CLDN9: variants seen among roughly 807,000 people sequenced by gnomAD.
CLDN9 encodes claudin-9.
CLDN9 carries 14 observed loss-of-function variants against 10.1 expected under a neutral mutation model. The ratio of observed to expected loss-of-function variants is 1.38; its 90% CI spans 0.91 to 2.16. CLDN9 has a LOEUF of 2.16. Among genes scored for constraint, CLDN9 ranks in the 30% most tolerant of loss-of-function variants. The probability of loss-of-function intolerance (pLI) is 0.00; values close to 1 mark genes in which losing one functional copy is unlikely to be tolerated. For synonymous variants in CLDN9, 162 were observed against 143.1 expected, an observed-to-expected ratio of 1.13 and a Z score of -0.95; for missense variants, 332 against 294.8, an observed-to-expected ratio of 1.13 and a Z score of -0.93.
chr16:3,013,160 G>C lies in CLDN9; in HGVS notation c.-203G>C. 1.6e-6 allele frequency: 1 copy of C among 617,394 alleles called. No individual in the cohort carries two copies. Among genetic ancestry groups the C allele is most frequent in the South Asian group, 2.0e-5 (1 of 49,064 alleles). 38.2% of individuals were successfully genotyped at this position (617,394 alleles called of 1,614,324 possible). The stretch of plus-strand genomic sequence containing the variant: ...TACGAGTCTGCTTTGTGCTCCGCGA[G>C]GACCAGAAACACCTGCAAGAGGCAC... On this transcript the variant is annotated 5_prime_UTR_variant, in exon 1 of 1. Transcript: ENST00000445369. The surrounding 1 kb of genome is among the most constrained non-coding windows in gnomAD (Gnocchi z 6.4).
chr16:3,014,473 C>G lies in CLDN9; in HGVS notation c.*457C>G, dbSNP rs2072551482. ...CCTCCCTCTCCCCAACATCCCCACCCTCGAGTTGGAAATAAAGAGCATTTG... is the reference window on the plus strand; with the variant it reads ...CCTCCCTCTCCCCAACATCCCCACCGTCGAGTTGGAAATAAAGAGCATTTG... On this transcript the variant is annotated 3_prime_UTR_variant, in exon 1 of 1. Coordinates refer to ENST00000445369, the MANE Select transcript of CLDN9 (RefSeq NM_020982.4). 5.8e-6 allele frequency: 1 copy of G among 171,594 alleles called. No individual in the cohort carries two copies. The highest frequency in any genetic ancestry group is 2.4e-5 in the African/African-American group (1 of 41,588). The allele number at this position is 171,594 out of a possible 1,614,324, so 10.6% of individuals were successfully genotyped here.
At position 3,013,600 on chromosome 16, in the gene CLDN9, G is replaced by T. The variant is rs770579664; in HGVS notation, c.238G>T (p.Ala80Ser). 2.8e-5 allele frequency: 45 copies of T among 1,613,986 alleles called. 1 individual carries two copies. In the South Asian group the frequency reaches 4.7e-4, roughly 17 times the overall value. ...GGCTCTGCCGCAGGACCTGCAGGCC[G>T]CACGTGCCCTCTGTGTCATTGCCCT... ...LLALPQDLQAARALCVIALLL... is the reference protein window; with the variant it reads ...LLALPQDLQASRALCVIALLL... The change falls in exon 1 of 1, where the codon GCA becomes TCA. Residue 80 changes from alanine (A) to serine (S), a missense_variant. Transcript: ENST00000445369. This position sits in a 1 kb window ranked among gnomAD's most constrained non-coding sequence, Gnocchi z 6.4.
At position 3,013,936 on chromosome 16, in the gene CLDN9, C is replaced by A; in HGVS notation, c.574C>A (p.Arg192=). The part of the protein sequence containing the change: ...CCTCPPPQVE[R]PRGPRLGYSI... ...CACGTGCCCCCCGCCCCAGGTCGAG[C>A]GGCCCCGCGGACCTCGGCTGGGCTA... The change falls in exon 1 of 1, where the codon CGG becomes AGG. Residue 192 remains arginine (R), a synonymous_variant. Transcript: ENST00000445369. The surrounding 1 kb of genome is among the most constrained non-coding windows in gnomAD (Gnocchi z 6.4). 3 of 1,576,604 alleles carry A rather than the reference C, an allele frequency of 1.9e-6. No individual in the cohort carries two copies. Among genetic ancestry groups the A allele is most frequent in the Non-Finnish European group, 2.6e-6 (3 of 1,164,422 alleles).
rs1191549901 is a variant in CLDN9 at position 3,013,825 on chromosome 16, G to A, written c.463G>A (p.Ala155Thr). The A allele has an allele frequency of 1.9e-6, 3 of 1,612,808 alleles. No individual in the cohort carries two copies. The highest frequency in any genetic ancestry group is 1.1e-5 in the South Asian group (1 of 91,084). ...QDFYNPLVAE[A>T]LKRELGASLY... is the part of the protein sequence containing the mutation. ...CTTCTACAACCCCCTGGTGGCTGAG[G>A]CCCTCAAGCGGGAGCTGGGGGCCTC... The change falls in exon 1 of 1, where the codon GCC becomes ACC. Residue 155 changes from alanine (A) to threonine (T), a missense_variant. By Grantham distance (58) the Ala-to-Thr change is moderately conservative (BLOSUM62 0). Coordinates refer to ENST00000445369, the MANE Select transcript of CLDN9 (RefSeq NM_020982.4). The surrounding 1 kb of genome is among the most constrained non-coding windows in gnomAD (Gnocchi z 6.4).
rs867461598 is a variant in CLDN9, at chr16:3,013,553, G to A, written c.191G>A (p.Cys64Tyr). Residue 64 changes from cysteine (C) to tyrosine (Y), a missense_variant, in exon 1 of 1, where the codon TGC (cysteine) becomes TAC (tyrosine). Transcript: ENST00000445369. The surrounding 1 kb of genome is among the most constrained non-coding windows in gnomAD (Gnocchi z 6.4). ...CVVQSTGQMQ[C>Y]KVYDSLLALP... ...GTGCAGAGCACGGGCCAGATGCAGTGCAAGGTGTACGACTCACTGCTGGCT... is the reference window on the plus strand; with the variant it reads ...GTGCAGAGCACGGGCCAGATGCAGTACAAGGTGTACGACTCACTGCTGGCT... The A allele has an allele frequency of 1.2e-6, 2 of 1,614,018 alleles. No individual in the cohort carries two copies. Among genetic ancestry groups the A allele is most frequent in the South Asian group, 1.1e-5 (1 of 91,088 alleles).
In CLDN9 at chr16:3,013,932, C is replaced by T. The variant is rs1457351212; in HGVS notation, c.570C>T (p.Val190=). The change falls in exon 1 of 1, where the codon GTC becomes GTT. Residue 190 remains valine, a synonymous_variant. Coordinates refer to ENST00000445369, the MANE Select transcript of CLDN9 (RefSeq NM_020982.4). This position sits in a 1 kb window ranked among gnomAD's most constrained non-coding sequence, Gnocchi z 6.4. ...GCTGCACGTGCCCCCCGCCCCAGGT[C>T]GAGCGGCCCCGCGGACCTCGGCTGG... is the stretch of plus-strand genomic sequence containing the variant. ...LLCCTCPPPQ[V]ERPRGPRLGY... is the part of the protein sequence containing the mutation. 2.1e-5 allele frequency: 33 copies of T among 1,581,434 alleles called. No homozygotes were observed. The highest frequency in any genetic ancestry group is 3.8e-5 in the Admixed American group (2 of 53,074).
In CLDN9 at chr16:3,013,022, T is replaced by C; in HGVS notation, c.-341T>C. 3.3e-6 allele frequency: 1 copy of C among 300,618 alleles called. No homozygotes were observed. The highest frequency in any genetic ancestry group is 4.7e-5 in the South Asian group (1 of 21,300). 18.6% of individuals were successfully genotyped at this position (300,618 alleles called of 1,614,324 possible). A position where few individuals can be genotyped will look rare whatever the true frequency, so the allele number is the denominator to read the frequency against. ...AGCCTGGCAGTGCGTCTGGAGGGCC[T>C]GTGCGAGCTCAGCCCAGGTGTGACA... On this transcript the variant is annotated 5_prime_UTR_variant, in exon 1 of 1. Transcript: ENST00000445369. The surrounding 1 kb of genome is among the most constrained non-coding windows in gnomAD (Gnocchi z 6.4).
Position 3,013,043 on chromosome 16 carries a change from T to G in CLDN9, c.-320T>G. 1 of 333,126 alleles carries G rather than the reference T, an allele frequency of 3.0e-6. No homozygotes were observed. The highest frequency in any genetic ancestry group is 5.6e-6 in the Non-Finnish European group (1 of 177,756). The allele number at this position is 333,126 out of a possible 1,614,324, so 20.6% of individuals were successfully genotyped here. A position where few individuals can be genotyped will look rare whatever the true frequency, so the allele number is the denominator to read the frequency against. ...GGCCTGTGCGAGCTCAGCCCAGGTGTGACAGCGGGGTGGTAAGAGCAGCAG... is the reference window on the plus strand; with the variant it reads ...GGCCTGTGCGAGCTCAGCCCAGGTGGGACAGCGGGGTGGTAAGAGCAGCAG... On this transcript the variant is annotated 5_prime_UTR_variant, in exon 1 of 1. Coordinates refer to ENST00000445369, the MANE Select transcript of CLDN9 (RefSeq NM_020982.4). The surrounding 1 kb of genome is among the most constrained non-coding windows in gnomAD (Gnocchi z 6.4).
rs758361462 is a variant in CLDN9 at position 3,013,913 on chromosome 16, C to T, written c.551C>T (p.Thr184Met). 19 of 1,595,588 alleles carry T rather than the reference C, an allele frequency of 1.2e-5. No homozygotes were observed. The highest frequency in any genetic ancestry group is 3.3e-4 in the Middle Eastern group (2 of 5,978). ...LMLGGGLLCC[T>M]CPPPQVERPR... is the part of the protein sequence containing the mutation. ...CTGGGCGGGGGGCTCCTCTGCTGCA[C>T]GTGCCCCCCGCCCCAGGTCGAGCGG... The change falls in exon 1 of 1, where the codon ACG (threonine) becomes ATG (methionine). Residue 184 changes from threonine (T) to methionine (M), a missense_variant. Thr to Met is a moderately conservative substitution (Grantham distance 81, BLOSUM62 -1). Coordinates refer to ENST00000445369, the MANE Select transcript of CLDN9 (RefSeq NM_020982.4). The surrounding 1 kb of genome is among the most constrained non-coding windows in gnomAD (Gnocchi z 6.4).
At position 3,013,597 on chromosome 16, in the gene CLDN9, G is replaced by A. The variant is rs1044675110; in HGVS notation, c.235G>A (p.Ala79Thr). ...SLLALPQDLQ[A>T]ARALCVIALL... Reference sequence around the variant, plus strand: ...GCTGGCTCTGCCGCAGGACCTGCAGGCCGCACGTGCCCTCTGTGTCATTGC... The same window carrying A: ...GCTGGCTCTGCCGCAGGACCTGCAGACCGCACGTGCCCTCTGTGTCATTGC... The change falls in exon 1 of 1, where the codon GCC (alanine) becomes ACC (threonine). Residue 79 changes from alanine (A) to threonine (T), a missense_variant. Ala to Thr is a moderately conservative substitution (Grantham distance 58). Coordinates refer to ENST00000445369, the MANE Select transcript of CLDN9 (RefSeq NM_020982.4). The surrounding 1 kb of genome is among the most constrained non-coding windows in gnomAD (Gnocchi z 6.4). The A allele has an allele frequency of 1.2e-6, 2 of 1,613,912 alleles. No individual in the cohort carries two copies. Among genetic ancestry groups the A allele is most frequent in the African/African-American group, 2.7e-5 (2 of 74,942 alleles).
Position 3,013,557 on chromosome 16 carries a change from G to A in CLDN9, c.195G>A (p.Lys65=), listed in dbSNP as rs1252469958. ...VVQSTGQMQC[K]VYDSLLALPQ... is the part of the protein sequence containing the mutation. ...AGAGCACGGGCCAGATGCAGTGCAA[G>A]GTGTACGACTCACTGCTGGCTCTGC... The change falls in exon 1 of 1, where the codon AAG becomes AAA. Residue 65 remains lysine (K), a synonymous_variant. Coordinates refer to ENST00000445369, the MANE Select transcript of CLDN9 (RefSeq NM_020982.4). The surrounding 1 kb of genome is among the most constrained non-coding windows in gnomAD (Gnocchi z 6.4). 1.5e-5 allele frequency: 24 copies of A among 1,614,036 alleles called. No individual in the cohort carries two copies. Among genetic ancestry groups the A allele is most frequent in the South Asian group, 3.3e-5 (3 of 91,090 alleles).
chr16:3,014,352 G>T lies in CLDN9; in HGVS notation c.*336G>T. The T allele has an allele frequency of 4.2e-6, 1 of 240,556 alleles. No homozygotes were observed. The highest frequency in any genetic ancestry group is 9.0e-5 in the East Asian group (1 of 11,138). 14.9% of individuals were successfully genotyped at this position (240,556 alleles called of 1,614,324 possible). ...AGCCCTCCCCTGCCCCAGGAACCCT[G>T]GCCTCACCAAAACAGCAGCAGCTCG... On this transcript the variant is annotated 3_prime_UTR_variant, in exon 1 of 1. Coordinates refer to ENST00000445369, the MANE Select transcript of CLDN9 (RefSeq NM_020982.4).
Position 3,013,048 on chromosome 16 carries a change from G to A in CLDN9, c.-315G>A. 1 of 353,256 alleles carries A rather than the reference G, an allele frequency of 2.8e-6. No individual in the cohort carries two copies. Among genetic ancestry groups the A allele is most frequent in the East Asian group, 5.6e-5 (1 of 17,942 alleles). 21.9% of individuals were successfully genotyped at this position (353,256 alleles called of 1,614,324 possible). On this transcript the variant is annotated 5_prime_UTR_variant, in exon 1 of 1. Coordinates refer to ENST00000445369, the MANE Select transcript of CLDN9 (RefSeq NM_020982.4). The surrounding 1 kb of genome is among the most constrained non-coding windows in gnomAD (Gnocchi z 6.4). Reference sequence around the variant, plus strand: ...GTGCGAGCTCAGCCCAGGTGTGACAGCGGGGTGGTAAGAGCAGCAGCACCC... The same window carrying A: ...GTGCGAGCTCAGCCCAGGTGTGACAACGGGGTGGTAAGAGCAGCAGCACCC...
In CLDN9 at chr16:3,013,413, C is replaced by T. The variant is rs775828414; in HGVS notation, c.51C>T (p.Gly17=). ...ELLGMTLAVL[G]WLGTLVSCAL... is the part of the protein sequence containing the mutation. ...TGGGCATGACCCTGGCTGTGCTGGG[C>T]TGGCTGGGGACCCTGGTGTCCTGCG... The change falls in exon 1 of 1, where the codon GGC becomes GGT. Residue 17 remains glycine (G), a synonymous_variant. Transcript: ENST00000445369. This position sits in a 1 kb window ranked among gnomAD's most constrained non-coding sequence, Gnocchi z 6.4. 2 of 1,614,030 alleles carry T rather than the reference C, an allele frequency of 1.2e-6. No individual in the cohort carries two copies. Among genetic ancestry groups the T allele is most frequent in the South Asian group, 2.2e-5 (2 of 91,080 alleles).
At position 3,013,278 on chromosome 16, in the gene CLDN9, A is replaced by C; in HGVS notation, c.-85A>C. The C allele has an allele frequency of 1.4e-6, 2 of 1,441,738 alleles. No homozygotes were observed. Among genetic ancestry groups the C allele is most frequent in the East Asian group, 2.4e-5 (1 of 40,962 alleles). The allele number at this position is 1,441,738 out of a possible 1,614,324, so 89.3% of individuals were successfully genotyped here. On this transcript the variant is annotated 5_prime_UTR_variant, in exon 1 of 1. Coordinates refer to ENST00000445369, the MANE Select transcript of CLDN9 (RefSeq NM_020982.4). This position sits in a 1 kb window ranked among gnomAD's most constrained non-coding sequence, Gnocchi z 6.4. ...ACAAGCCTTCCCCCTCCTGCTGGACACAGAGACACCCACCCAGCACACCAG... is the reference window on the plus strand; with the variant it reads ...ACAAGCCTTCCCCCTCCTGCTGGACCCAGAGACACCCACCCAGCACACCAG...
rs1215236623 is a variant in CLDN9 at position 3,014,180 on chromosome 16, G to C, written c.*164G>C. On this transcript the variant is annotated 3_prime_UTR_variant, in exon 1 of 1. Coordinates refer to ENST00000445369, the MANE Select transcript of CLDN9 (RefSeq NM_020982.4). ...CTGCAGGGCTGGGTCAGCTGGCCTGGCTGAGCTCTTCTCAGTGGGGTCCCC... is the reference window on the plus strand; with the variant it reads ...CTGCAGGGCTGGGTCAGCTGGCCTGCCTGAGCTCTTCTCAGTGGGGTCCCC... 1.3e-6 allele frequency: 1 copy of C among 766,560 alleles called. No homozygotes were observed. Among genetic ancestry groups the C allele is most frequent in the Non-Finnish European group, 2.0e-6 (1 of 494,738 alleles). 47.5% of individuals were successfully genotyped at this position (766,560 alleles called of 1,614,324 possible). A position where few individuals can be genotyped will look rare whatever the true frequency, so the allele number is the denominator to read the frequency against.
chr16:3,013,810 C>G lies in CLDN9; in HGVS notation c.448C>G (p.Pro150Ala). The G allele has an allele frequency of 6.2e-7, 1 of 1,613,098 alleles. No individual in the cohort carries two copies. The highest frequency in any genetic ancestry group is 1.1e-5 in the South Asian group (1 of 91,090). ...AHAIIQDFYN[P>A]LVAEALKREL... ...CGCCATCATCCAGGACTTCTACAAC[C>G]CCCTGGTGGCTGAGGCCCTCAAGCG... Residue 150 changes from proline (P) to alanine (A), a missense_variant, in exon 1 of 1, where the codon CCC becomes GCC. Physicochemically the swap from Pro to Ala is conservative, Grantham distance 27. Coordinates refer to ENST00000445369, the MANE Select transcript of CLDN9 (RefSeq NM_020982.4). This position sits in a 1 kb window ranked among gnomAD's most constrained non-coding sequence, Gnocchi z 6.4.
At position 3,013,288 on chromosome 16, in the gene CLDN9, C is replaced by A; in HGVS notation, c.-75C>A. The A allele has an allele frequency of 6.8e-7, 1 of 1,481,282 alleles. No homozygotes were observed. Among genetic ancestry groups the A allele is most frequent in the Non-Finnish European group, 9.0e-7 (1 of 1,106,362 alleles). The allele number at this position is 1,481,282 out of a possible 1,614,324, so 91.8% of individuals were successfully genotyped here. ...CCCCTCCTGCTGGACACAGAGACAC[C>A]CACCCAGCACACCAGACACACCCTC... On this transcript the variant is annotated 5_prime_UTR_variant, in exon 1 of 1. Coordinates refer to ENST00000445369, the MANE Select transcript of CLDN9 (RefSeq NM_020982.4). This position sits in a 1 kb window ranked among gnomAD's most constrained non-coding sequence, Gnocchi z 6.4.
chr16:3,014,240 G>T lies in CLDN9; in HGVS notation c.*224G>T, dbSNP rs891214363. On this transcript the variant is annotated 3_prime_UTR_variant, in exon 1 of 1. Transcript: ENST00000445369. ...CTCCCCCAAGTTGGGCAGCCTAGAG[G>T]TGTTGGGAACCCTGGCCTGCCCCCA... 2.0e-6 allele frequency: 1 copy of T among 492,986 alleles called. No homozygotes were observed. The allele number at this position is 492,986 out of a possible 1,614,324, so 30.5% of individuals were successfully genotyped here.
Sources: gnomAD v4.1 joint callset for allele counts on GRCh38, gnomAD v4.1.1 for gene constraint, Gnocchi (gnomAD v3.1) non-coding constraint, MANE v1.5 for transcripts, NCBI Gene and HGNC (gene_info 2026-07-23, HGNC 2026-07-21) for gene names.